Variants in GATB observed in about 807,000 individuals in gnomAD.
GATB encodes the protein glutamyl-tRNA amidotransferase subunit B, also known as glutamyl-tRNA(Gln) amidotransferase subunit B, mitochondrial.
Under a neutral mutation model 62.3 loss-of-function variants are expected in GATB, and 39 were observed. That is an observed-to-expected ratio of 0.63 (90% confidence interval 0.48 to 0.82). The LOEUF (loss-of-function observed/expected upper bound fraction) is 0.82, where lower values mean the gene tolerates loss of function less well. GATB is among the 40% of genes least tolerant of loss of function. The pLI, the probability that GATB is intolerant of heterozygous loss-of-function variation, is 0.00. For synonymous variants in GATB, 276 were observed against 258.9 expected (o/e 1.07, Z -0.63); for missense variants, 670 against 684.0 (o/e 0.98, Z 0.23).
chr4:151,755,557 A>C (rs1739810636), intron 2 of GATB, among the ~76,000 whole-genome samples: 1 of 152,222 alleles, frequency 6.6e-6, no homozygotes, highest in South Asian at 2.1e-4. Flanking sequence ...CATTTTGCCT[A>C]ATTAGCTGTT....
At chr4:151,716,487 C>T (rs1738915867) in intron 4 of GATB, among the ~76,000 whole-genome samples, 1 of 152,064 alleles carries the variant, frequency 6.6e-6, no homozygotes, top group South Asian at 2.1e-4. Flanking sequence ...TGTTGCCCAG[C>T]CTGATCTCAA....
intron 2 of GATB, among the ~76,000 whole-genome samples, chr4:151,756,215 A>C (rs1315446575): frequency 6.6e-6 from 1 of 152,196 alleles, no homozygotes. Context: ...CTTGACCAAA[A>C]CAATAACATA....
At chr4:151,671,339 A>G (rs1457113294) in intron 12 of GATB, 37 bp from the exon 13 acceptor site, 2 of 1,603,014 alleles carry the variant, frequency 1.2e-6, no homozygotes, top group Non-Finnish European at 1.7e-6. Flanking sequence ...AGAGGAGAAA[A>G]TGAAGGGATT....
chr4:151,727,848 T>A (rs1222258887), intron 2 of GATB, among the ~76,000 whole-genome samples: 1 of 152,200 alleles, frequency 6.6e-6, no homozygotes, highest in Non-Finnish European at 1.5e-5. Context: ...TGTTATTAAA[T>A]GCAAAGTGCC....
chr4:151,684,777 C>T (rs1178547474), intron 10 of GATB, among the ~76,000 whole-genome samples: 3 of 152,184 alleles, frequency 2.0e-5, no homozygotes, highest in Admixed American at 2.0e-4. Flanking sequence ...ACAACCAAGC[C>T]TACCTTTATT....
intron 11 of GATB, chr4:151,675,199 C>T (rs894448060): frequency 6.6e-6 from 1 of 152,166 alleles, no homozygotes; most frequent in African/African-American, 2.4e-5. Flanking sequence ...CTGGCTGCTC[C>T]CCGAGAAGGA....
In GATB at chr4:151,753,438, T is replaced by C. The variant is rs544490283; in HGVS notation, c.327+5334A>G. Among the ~76,000 whole-genome samples, 8 of 152,324 alleles carry C rather than the reference T, an allele frequency of 5.3e-5. No individual in the cohort carries two copies. In the Middle Eastern group the frequency reaches 0.01, roughly 194 times the overall value. Reference sequence around the variant, plus strand: ...GGCACTTAGGTCACAGTGCATCCTCTGCAAAGTGAGGCCCTCCTCCACCTA... The same window carrying C: ...GGCACTTAGGTCACAGTGCATCCTCCGCAAAGTGAGGCCCTCCTCCACCTA... On this transcript the variant is annotated intron_variant, in intron 2 of 12. Coordinates refer to ENST00000263985, the MANE Select transcript of GATB (RefSeq NM_004564.3).
chr4:151,715,486 G>A (rs1738895315), intron 5 of GATB, among the ~76,000 whole-genome samples: 2 of 152,142 alleles, frequency 1.3e-5, no homozygotes, highest in Non-Finnish European at 2.9e-5. Context: ...TCTTTTATTT[G>A]TTTTAGTTTC....
chr4:151,704,080 CTT>C (rs755382233), intron 7 of GATB, among the ~76,000 whole-genome samples, 185 bp from the exon 8 acceptor site: 16 of 141,002 alleles, frequency 1.1e-4, no homozygotes, highest in Non-Finnish European at 1.2e-4. Context: ...ACAGAATGAT[CTT>C]TTTTTTTTTT....
At chr4:151,726,144 G>A (rs1003814783) in intron 2 of GATB, among the ~76,000 whole-genome samples, 1 of 152,226 alleles carries the variant, frequency 6.6e-6, no homozygotes, top group Admixed American at 6.5e-5. Context: ...AATTTATGGA[G>A]AGAAAGCAAT....
In GATB at chr4:151,705,228, C is replaced by G; in HGVS notation, c.919G>C (p.Gly307Arg). The G allele has an allele frequency of 6.2e-7, 1 of 1,613,446 alleles. No homozygotes were observed. The highest frequency in any genetic ancestry group is 1.1e-5 in the South Asian group (1 of 91,032). Residue 307 changes from glycine (G) to arginine (R), a missense_variant, in exon 7 of 13, where the codon GGT (glycine) becomes CGT (arginine). Coordinates refer to ENST00000263985, the MANE Select transcript of GATB (RefSeq NM_004564.3). ...GAGCGTGTTTCGTTCAGAATTTCAC[C>G]TCCATTCTCAAGTTCATTGATTTGC... The part of the protein sequence containing the change: ...QRQINELENG[G>R]EILNETRSFH...
At chr4:151,702,544 G>A (rs563332401) in intron 8 of GATB, among the ~76,000 whole-genome samples, 1 of 152,316 alleles carries the variant, frequency 6.6e-6, no homozygotes, top group African/African-American at 2.4e-5. Context: ...TGTAACAAAT[G>A]AGCATCTTGC....
intron 10 of GATB, among the ~76,000 whole-genome samples, chr4:151,684,056 T>C (rs1316299260): frequency 6.6e-6 from 1 of 152,204 alleles, no homozygotes; most frequent in Non-Finnish European, 1.5e-5. Flanking sequence ...CTGGCCACAG[T>C]GAGCTCAACA....
intron 2 of GATB, among the ~76,000 whole-genome samples, chr4:151,741,849 T>C (rs955066234): frequency 7.2e-5 from 11 of 152,238 alleles, no homozygotes; most frequent in African/African-American, 2.7e-4. Context: ...GTTAAGGGAA[T>C]CATTTTATTA....
At chr4:151,703,588 T>C in intron 8 of GATB, 1 of 516,752 alleles carries the variant, frequency 1.9e-6, no homozygotes, top group Admixed American at 3.5e-5. Flanking sequence ...TATGACAACT[T>C]TGACACAGCA....
chr4:151,678,798 ACTT>A (rs1460514303), intron 11 of GATB, among the ~76,000 whole-genome samples: 1 of 152,146 alleles, frequency 6.6e-6, no homozygotes, highest in East Asian at 1.9e-4. Context: ...ATAACATTAA[ACTT>A]CTGGCTGAAG....
chr4:151,687,800 G>A (rs915690633), intron 10 of GATB, among the ~76,000 whole-genome samples: 7 of 152,184 alleles, frequency 4.6e-5, no homozygotes, highest in African/African-American at 1.7e-4. Flanking sequence ...CTGTGAGCCA[G>A]GCAGAGGGCT....
At chr4:151,688,052 C>T (rs906456800) in intron 10 of GATB, among the ~76,000 whole-genome samples, 1 of 152,180 alleles carries the variant, frequency 6.6e-6, no homozygotes, top group African/African-American at 2.4e-5. Context: ...CGGCTCTGTC[C>T]CCACCATTCC....
intron 2 of GATB, among the ~76,000 whole-genome samples, chr4:151,740,874 G>A (rs72730153): frequency 0.039 from 5,889 of 152,102 alleles, 151 homozygotes; most frequent in Non-Finnish European, 0.061. Context: ...TGAACTACTC[G>A]AATGGCAGAG....
Sources: allele counts gnomAD v4.1 joint callset (sites outside exome capture counted in the v4.1 genomes callset), GRCh38; gene constraint gnomAD v4.1.1; transcripts MANE v1.5; gene names NCBI Gene and HGNC (gene_info 2026-07-23, HGNC 2026-07-21).